CDC23: variants seen among roughly 807,000 people sequenced by gnomAD.
CDC23 encodes the protein cell division cycle 23, also known as cell division cycle protein 23 homolog.
Under a neutral mutation model 81.7 loss-of-function variants are expected in CDC23, and 26 were observed. That is an observed-to-expected ratio of 0.32 (90% confidence interval 0.23 to 0.44). CDC23 has a LOEUF of 0.44. CDC23 is among the 20% of genes least tolerant of loss of function. The pLI is 1.00. For synonymous variants in CDC23, 267 were observed against 270.8 expected (o/e 0.99, Z 0.14); for missense variants, 519 against 728.0 (o/e 0.71, Z 3.30).
At chr5:138,206,893 T>G (rs1319826111) in intron 2 of CDC23, among the ~76,000 whole-genome samples, 1 of 149,448 alleles carries the variant, frequency 6.7e-6, no homozygotes, top group Admixed American at 6.6e-5. Flanking sequence ...TTTTTTTTTT[T>G]TTTTGAGACA....
chr5:138,192,670 CA>C lies in CDC23; in HGVS notation c.1013-14del. The stretch of plus-strand genomic sequence containing the variant: ...CTGTAATAATTGCCTGATTAAAAAT[CA>C]AACAAAAAAATGAATAATCAGAAAG... On this transcript the variant is annotated splice_polypyrimidine_tract_variant and intron_variant, in intron 9 of 15. Transcript: ENST00000394886. The C allele has an allele frequency of 6.3e-7, 1 of 1,592,514 alleles. No homozygotes were observed. Among genetic ancestry groups the C allele is most frequent in the East Asian group, 2.2e-5 (1 of 44,790 alleles).
intron 2 of CDC23, among the ~76,000 whole-genome samples, chr5:138,212,163 A>G (rs529276483): frequency 1.3e-5 from 2 of 152,080 alleles, no homozygotes; most frequent in African/African-American, 2.4e-5. Flanking sequence ...TTGAGTAGAT[A>G]CTATTACTAT....
intron 15 of CDC23, 72 bp from the exon 16 acceptor site, chr5:138,189,220 G>A: frequency 7.1e-7 from 1 of 1,409,692 alleles, no homozygotes; most frequent in Non-Finnish European, 9.8e-7. Context: ...TTAAGATGCT[G>A]TTAAACAAGT....
At chr5:138,190,260 C>A (rs1387905268) in intron 13 of CDC23, among the ~76,000 whole-genome samples, 2 of 151,488 alleles carry the variant, frequency 1.3e-5, no homozygotes, top group Admixed American at 6.6e-5. Context: ...GAGTTTGAGA[C>A]CAGCATGGCC....
rs370824205 is a variant in CDC23, at chr5:138,201,079, G to A, written c.654+28C>T. ...AATTACAAAAGGCTTGAAGCAGAGG[G>A]TTTTTCACATAGCTCATCACAATTT... is the stretch of plus-strand genomic sequence containing the variant. On this transcript the variant is annotated intron_variant, in intron 6 of 15. Coordinates refer to ENST00000394886, the MANE Select transcript of CDC23 (RefSeq NM_004661.4). The A allele has an allele frequency of 1.4e-5, 22 of 1,609,536 alleles. No individual in the cohort carries two copies. The African/African-American group carries it at 2.5e-4, about 19-fold the overall frequency.
intron 6 of CDC23, chr5:138,200,899 T>A: frequency 1.8e-6 from 1 of 553,870 alleles, no homozygotes; most frequent in East Asian, 3.0e-5. Flanking sequence ...TATAACTGGA[T>A]ACAAATCCAA....
chr5:138,201,497 ATT>A (rs777267677), intron 4 of CDC23, 49 bp from the exon 5 acceptor site: 1 of 1,222,890 alleles, frequency 8.2e-7, no homozygotes, highest in Admixed American at 2.3e-5. Flanking sequence ...GCTGGTTTTC[ATT>A]TTCTTATTTT....
At chr5:138,203,927 T>C (rs990424530) in intron 3 of CDC23, among the ~76,000 whole-genome samples, 2 of 150,816 alleles carry the variant, frequency 1.3e-5, no homozygotes, top group South Asian at 2.1e-4. Flanking sequence ...AAAAAAAAAA[T>C]TGGAATTCAA....
At chr5:138,195,553 T>A (rs778058220) in intron 9 of CDC23, among the ~76,000 whole-genome samples, 1,286 of 103,218 alleles carry the variant, frequency 0.012, 13 homozygotes, top group Non-Finnish European at 0.018. Flanking sequence ...TATAATATAA[T>A]TATATATAAT....
intron 4 of CDC23, among the ~76,000 whole-genome samples, chr5:138,201,807 G>T (rs972677777): frequency 1.3e-5 from 2 of 152,136 alleles, no homozygotes; most frequent in African/African-American, 4.8e-5. Context: ...GACCCACACA[G>T]TTTTTATTTG....
At chr5:138,212,350 C>T (rs190147339) in intron 2 of CDC23, among the ~76,000 whole-genome samples, 62 of 152,226 alleles carry the variant, frequency 4.1e-4, no homozygotes, top group Admixed American at 3.5e-3. Context: ...GACAGTGTCC[C>T]GCTCTGCCCT....
chr5:138,191,177 G>A (rs963991023), intron 13 of CDC23, among the ~76,000 whole-genome samples: 1 of 151,902 alleles, frequency 6.6e-6, no homozygotes, highest in Admixed American at 6.6e-5. Context: ...GTGCAATGGC[G>A]CGATCTCGGC....
intron 9 of CDC23, among the ~76,000 whole-genome samples, chr5:138,193,950 C>T (rs1241797918): frequency 1.3e-5 from 2 of 150,312 alleles, no homozygotes; most frequent in East Asian, 3.9e-4. Context: ...AAAAGCAAAA[C>T]TCCGTCTCCA....
In CDC23 at chr5:138,191,474, T is replaced by C. The variant is rs1354403873; in HGVS notation, c.1424A>G (p.Lys475Arg). 1 of 1,613,920 alleles carries C rather than the reference T, an allele frequency of 6.2e-7. No homozygotes were observed. Among genetic ancestry groups the C allele is most frequent in the South Asian group, 1.1e-5 (1 of 91,076 alleles). ...ATAGCATTTCACTCCTTTCACTCAC[T>C]TTGCCAGTTTCACCAGAGCCATTTT... The part of the protein sequence containing the change: ...VEKMALVKLA[K>R]LHEQLTESEQ... The change falls in exon 13 of 16, where the codon AAG becomes AGG. Residue 475 changes from lysine (K) to arginine (R), a missense_variant and splice_region_variant. By Grantham distance (26) the Lys-to-Arg change is conservative (BLOSUM62 2). Around this residue, in one of 4 missense-constraint regions of CDC23, gnomAD observed 175 missense variants for 337.8 expected, o/e 0.52. Transcript: ENST00000394886.
chr5:138,204,213 A>G (rs573763433), intron 3 of CDC23, among the ~76,000 whole-genome samples: 1 of 152,266 alleles, frequency 6.6e-6, no homozygotes, highest in Non-Finnish European at 1.5e-5. Context: ...AACTATAAAG[A>G]GTACAGAAGT....
Position 138,189,723 on chromosome 5 carries a change from A to G in CDC23, c.1533T>C (p.Thr511=). 6.2e-7 allele frequency: 1 copy of G among 1,614,028 alleles called. No homozygotes were observed. The highest frequency in any genetic ancestry group is 8.5e-7 in the Non-Finnish European group (1 of 1,179,898). The change falls in exon 15 of 16, where the codon ACT becomes ACC. Residue 511 remains threonine (T), a synonymous_variant. Transcript: ENST00000394886. ...AGTACTGGGCCAGATAGCGAAAGGC[A>G]GTGCTTTCCTCCAAGTGTTCTACTA... The part of the protein sequence containing the change: ...GEIVEHLEES[T]AFRYLAQYYF...
intron 2 of CDC23, among the ~76,000 whole-genome samples, chr5:138,211,587 C>T (rs540019597): frequency 3.3e-5 from 5 of 151,530 alleles, no homozygotes; most frequent in Admixed American, 2.0e-4. Flanking sequence ...TGCTTGAACC[C>T]GGGAGGCAGA....
chr5:138,191,882 G>A lies in CDC23; in HGVS notation c.1342C>T (p.Gln448Ter). 6.2e-7 allele frequency: 1 copy of A among 1,613,968 alleles called. No homozygotes were observed. The highest frequency in any genetic ancestry group is 8.5e-7 in the Non-Finnish European group (1 of 1,179,878). Reference sequence around the variant, plus strand: ...GGTACCTTTTTGGCTTCCACTAGTTGATTGAGTTTCTCGTAACATTCTCCT... The same window carrying A: ...GGTACCTTTTTGGCTTCCACTAGTTAATTGAGTTTCTCGTAACATTCTCCT... Reference protein sequence around the residue: ...ALGECYEKLNQLVEAKKCYWR... With the variant: ...ALGECYEKLN The change falls in exon 12 of 16, where the codon CAA (glutamine) becomes TAA (stop). Residue 448 changes from glutamine to a stop codon, truncating the protein, a stop_gained. Coordinates refer to ENST00000394886, the MANE Select transcript of CDC23 (RefSeq NM_004661.4). LOFTEE classifies it high-confidence loss of function.
chr5:138,201,357 T>A lies in CDC23; in HGVS notation c.507A>T (p.Gly169=). Residue 169 remains glycine (G), a synonymous_variant, in exon 5 of 16, where the codon GGA becomes GGT. Transcript: ENST00000394886. The part of the protein sequence containing the change: ...SKKHQARELD[G]FGLYLYGVVL... Reference sequence around the variant, plus strand: ...GTAACACTTACAGATAAAGTCCAAATCCATCAAGTTCTCGAGCTTGGTGTT... The same window carrying A: ...GTAACACTTACAGATAAAGTCCAAAACCATCAAGTTCTCGAGCTTGGTGTT... 1 of 1,614,048 alleles carries A rather than the reference T, an allele frequency of 6.2e-7. No individual in the cohort carries two copies. Among genetic ancestry groups the A allele is most frequent in the Admixed American group, 1.7e-5 (1 of 60,008 alleles).
Sources: gnomAD v4.1 joint callset for allele counts (sites outside exome capture counted in the v4.1 genomes callset) on GRCh38, gnomAD v4.1.1 for gene constraint, gnomAD v4.1.1 regional missense constraint, MANE v1.5 for transcripts, NCBI Gene and HGNC (gene_info 2026-07-23, HGNC 2026-07-21) for gene names.